LY6K: variants seen among roughly 807,000 people sequenced by gnomAD.
LY6K encodes the protein lymphocyte antigen 6 family member K.
LY6K carries 9 observed loss-of-function variants against 10.4 expected under a neutral mutation model. The ratio of observed to expected loss-of-function variants is 0.87; its 90% CI spans 0.52 to 1.52. The LOEUF (loss-of-function observed/expected upper bound fraction) is 1.52. Among genes scored for constraint, LY6K ranks in the 40% most tolerant of loss-of-function variants. LY6K has a pLI of 0.00. For synonymous variants in LY6K, 98 were observed against 83.7 expected (o/e 1.17, Z -0.94); for missense variants, 217 against 211.7 (o/e 1.02, Z -0.15).
intron 2 of LY6K, chr8:142,702,634 A>G: frequency 6.5e-7 from 1 of 1,532,598 alleles, no homozygotes; most frequent in Non-Finnish European, 8.7e-7. Flanking sequence ...ATAACTTAAT[A>G]TGGCAAAATG....
Position 142,703,307 on chromosome 8 carries a change from G to C in LY6K, c.434G>C (p.Gly145Ala). The stretch of plus-strand genomic sequence containing the variant: ...GCTGGGAGCATGGGTGAGAGCTGTG[G>C]TGGGCTGTGGCTGGCCATCCTCCTG... ...EYAGSMGESCGGLWLAILLLL... is the reference protein window; with the variant it reads ...EYAGSMGESCAGLWLAILLLL... The change falls in exon 3 of 3, where the codon GGT (glycine) becomes GCT (alanine). Residue 145 changes from glycine to alanine, a missense_variant. Physicochemically the swap from Gly to Ala is moderately conservative, Grantham distance 60 (BLOSUM62 0). Transcript: ENST00000292430. 6.2e-7 allele frequency: 1 copy of C among 1,613,604 alleles called. No individual in the cohort carries two copies. Among genetic ancestry groups the C allele is most frequent in the Non-Finnish European group, 8.5e-7 (1 of 1,179,968 alleles).
chr8:142,703,349 C>T lies in LY6K; in HGVS notation c.476C>T (p.Ala159Val), dbSNP rs782555332. ...LAILLLLASI[A>V]AGLSLS ...ATCCTCCTGCTGCTGGCCTCCATTG[C>T]AGCCGGCCTCAGCCTGTCTTGAGCC... The change falls in exon 3 of 3, where the codon GCA becomes GTA. Residue 159 changes from alanine (A) to valine (V), a missense_variant. Ala to Val is a moderately conservative substitution (Grantham distance 64). Coordinates refer to ENST00000292430, the MANE Select transcript of LY6K (RefSeq NM_017527.4). 1 of 1,610,910 alleles carries T rather than the reference C, an allele frequency of 6.2e-7. No individual in the cohort carries two copies. The highest frequency in any genetic ancestry group is 1.3e-5 in the African/African-American group (1 of 75,002).
At chr8:142,703,056 G>T (rs371930733) in intron 2 of LY6K, 35 bp from the exon 3 acceptor site, 2 of 1,610,714 alleles carry the variant, frequency 1.2e-6, no homozygotes, top group East Asian at 4.5e-5. Context: ...TTGGAATTGC[G>T]TGATTGCCTT....
intron 2 of LY6K, 137 bp from the exon 3 acceptor site, chr8:142,702,954 T>A: frequency 3.2e-6 from 5 of 1,552,334 alleles, no homozygotes; most frequent in Non-Finnish European, 4.4e-6. Flanking sequence ...TCCTCCCGAC[T>A]CCCCCTTGGT....
At position 142,703,174 on chromosome 8, in the gene LY6K, C is replaced by G. The variant is rs151035945; in HGVS notation, c.301C>G (p.Arg101Gly). The G allele has an allele frequency of 2.5e-6, 4 of 1,614,212 alleles. No individual in the cohort carries two copies. The South Asian group carries it at 4.4e-5, about 18-fold the overall frequency. Residue 101 changes from arginine to glycine, a missense_variant, in exon 3 of 3, where the codon CGG (arginine) becomes GGG (glycine). Arg to Gly is a moderately radical substitution (Grantham distance 125). Transcript: ENST00000292430. ...GGAGAGACCCAAGCCAGAGGAGAAGCGGTTTCTCCTGGAAGAGCCCATGCC... is the reference window on the plus strand; with the variant it reads ...GGAGAGACCCAAGCCAGAGGAGAAGGGGTTTCTCCTGGAAGAGCCCATGCC... ...AMERPKPEEK[R>G]FLLEEPMPFF...
Position 142,700,288 on chromosome 8 carries a change from C to T in LY6K, c.-240C>T. 1.2e-5 allele frequency: 15 copies of T among 1,228,896 alleles called. No individual in the cohort carries two copies. The highest frequency in any genetic ancestry group is 1.5e-5 in the Non-Finnish European group (15 of 979,200). The allele number at this position is 1,228,896 out of a possible 1,614,324, so 76.1% of individuals were successfully genotyped here. A position where few individuals can be genotyped will look rare whatever the true frequency, so the allele number is the denominator to read the frequency against. On this transcript the variant is annotated 5_prime_UTR_variant, in exon 1 of 3. Transcript: ENST00000292430. ...GTTCCTGCCTGGCCGCCGGCCGCTC[C>T]AACAGCAGCACAAGGCGGGACTCAG...
chr8:142,701,988 A>G (rs1294345601), intron 2 of LY6K: 7 of 342,446 alleles, frequency 2.0e-5, no homozygotes, highest in African/African-American at 6.4e-5. Context: ...TTTTATTTTT[A>G]GTAGAGGTGG....
rs1301213698 is a variant in LY6K, at chr8:142,704,232, G to A, written c.*861G>A. ...TCTCAGCATGAGCTCCATCAAGGTCGAGACGCTTCTGCAAGTAATGGTACC... is the reference window on the plus strand; with the variant it reads ...TCTCAGCATGAGCTCCATCAAGGTCAAGACGCTTCTGCAAGTAATGGTACC... On this transcript the variant is annotated 3_prime_UTR_variant, in exon 3 of 3. Transcript: ENST00000292430. The A allele has an allele frequency of 6.6e-6, 1 of 152,192 alleles. No individual in the cohort carries two copies. 9.4% of individuals were successfully genotyped at this position (152,192 alleles called of 1,614,324 possible). A position where few individuals can be genotyped will look rare whatever the true frequency, so the allele number is the denominator to read the frequency against.
chr8:142,703,821 C>T lies in LY6K; in HGVS notation c.*450C>T, dbSNP rs782321006. The stretch of plus-strand genomic sequence containing the variant: ...AAGACATCCCTGGAGTGAAGGACTC[C>T]TCAGCATGGGGGGCAGTGGGGCACA... On this transcript the variant is annotated 3_prime_UTR_variant, in exon 3 of 3. Coordinates refer to ENST00000292430, the MANE Select transcript of LY6K (RefSeq NM_017527.4). The T allele has an allele frequency of 2.4e-4, 40 of 164,804 alleles. No homozygotes were observed. The highest frequency in any genetic ancestry group is 4.5e-4 in the Non-Finnish European group (34 of 75,072). The allele number at this position is 164,804 out of a possible 1,614,324, so 10.2% of individuals were successfully genotyped here.
In LY6K at chr8:142,703,354, G is replaced by T. The variant is rs144411665; in HGVS notation, c.481G>T (p.Gly161Cys). The T allele has an allele frequency of 6.2e-7, 1 of 1,610,834 alleles. No homozygotes were observed. ...ILLLLASIAA[G>C]LSLS ...CCTGCTGCTGGCCTCCATTGCAGCC[G>T]GCCTCAGCCTGTCTTGAGCCACGGG... Residue 161 changes from glycine to cysteine, a missense_variant, in exon 3 of 3, where the codon GGC becomes TGC. Gly to Cys is a radical substitution (Grantham distance 159). Transcript: ENST00000292430.
rs138669857 is a variant in LY6K, at chr8:142,703,520, T to G, written c.*149T>G. On this transcript the variant is annotated 3_prime_UTR_variant, in exon 3 of 3. Transcript: ENST00000292430. ...TGGGAGAGTGGGGATCAGGTGCAGT[T>G]GGCTCTTAACCCTCAAGGGTTCTTT... is the stretch of plus-strand genomic sequence containing the variant. 1.1e-4 allele frequency: 101 copies of G among 925,722 alleles called. No homozygotes were observed. In the East Asian group the frequency reaches 2.6e-3, roughly 24 times the overall value. 57.3% of individuals were successfully genotyped at this position (925,722 alleles called of 1,614,324 possible). A position where few individuals can be genotyped will look rare whatever the true frequency, so the allele number is the denominator to read the frequency against.
rs34416856 is a variant in LY6K, at chr8:142,700,492, C to A, written c.-36C>A. On this transcript the variant is annotated 5_prime_UTR_variant, in exon 1 of 3. Coordinates refer to ENST00000292430, the MANE Select transcript of LY6K (RefSeq NM_017527.4). Reference sequence around the variant, plus strand: ...GTTCCAGAAGGGCGGGGAGGGGGCGCCGCGCGCTGACCCTCCCTGGGCACC... The same window carrying A: ...GTTCCAGAAGGGCGGGGAGGGGGCGACGCGCGCTGACCCTCCCTGGGCACC... 5,178 of 1,547,322 alleles carry A rather than the reference C, an allele frequency of 3.3e-3. 155 individuals carry two copies. In the African/African-American group the frequency reaches 0.064, roughly 19 times the overall value.
Position 142,703,397 on chromosome 8 carries a change from C to A in LY6K, c.*26C>A, listed in dbSNP as rs781948432. The A allele has an allele frequency of 1.3e-6, 2 of 1,591,488 alleles. No homozygotes were observed. Among genetic ancestry groups the A allele is most frequent in the South Asian group, 2.2e-5 (2 of 89,812 alleles). On this transcript the variant is annotated 3_prime_UTR_variant, in exon 3 of 3. Coordinates refer to ENST00000292430, the MANE Select transcript of LY6K (RefSeq NM_017527.4). Reference sequence around the variant, plus strand: ...GCCACGGGACTGCCACAGACTGAGCCTTCCGGAGCATGGACTCGCTCCAGA... The same window carrying A: ...GCCACGGGACTGCCACAGACTGAGCATTCCGGAGCATGGACTCGCTCCAGA...
chr8:142,703,175 G>C lies in LY6K; in HGVS notation c.302G>C (p.Arg101Pro). The change falls in exon 3 of 3, where the codon CGG becomes CCG. Residue 101 changes from arginine to proline, a missense_variant. Coordinates refer to ENST00000292430, the MANE Select transcript of LY6K (RefSeq NM_017527.4). ...AMERPKPEEKRFLLEEPMPFF... is the reference protein window; with the variant it reads ...AMERPKPEEKPFLLEEPMPFF... ...GAGAGACCCAAGCCAGAGGAGAAGC[G>C]GTTTCTCCTGGAAGAGCCCATGCCC... 1 of 1,614,184 alleles carries C rather than the reference G, an allele frequency of 6.2e-7. No individual in the cohort carries two copies.
chr8:142,701,796 A>G (rs967671948), intron 2 of LY6K, 83 bp downstream of exon 2: 5 of 840,988 alleles, frequency 5.9e-6, no homozygotes, highest in African/African-American at 5.1e-5. Context: ...GTTTTCCTCA[A>G]TGGGGAATAA....
chr8:142,702,317 T>C lies in LY6K; in HGVS notation c.217+604T>C, dbSNP rs1815071706. The C allele has an allele frequency of 6.7e-6, 4 of 597,066 alleles. No homozygotes were observed. The South Asian group carries it at 8.5e-5, about 13-fold the overall frequency. 37.0% of individuals were successfully genotyped at this position (597,066 alleles called of 1,614,324 possible). ...TGCGCCACAGAGAACAGTGTCTATG[T>C]CACTCTTACAAGAGATGCACAAAAC... On this transcript the variant is annotated intron_variant, in intron 2 of 2. Coordinates refer to ENST00000292430, the MANE Select transcript of LY6K (RefSeq NM_017527.4).
chr8:142,700,692 T>A, intron 1 of LY6K, 62 bp downstream of exon 1: 1 of 1,354,320 alleles, frequency 7.4e-7, no homozygotes, highest in Non-Finnish European at 9.6e-7. Flanking sequence ...GGCGTCTGCC[T>A]GGCACCGCGT....
chr8:142,702,538 C>T (rs1554640326), intron 2 of LY6K: 3 of 1,535,736 alleles, frequency 2.0e-6, no homozygotes, highest in South Asian at 2.4e-5. Context: ...TTCCGCCCAG[C>T]AGTCACTCTC....
intron 1 of LY6K, 135 bp from the exon 2 acceptor site, chr8:142,701,465 A>C: frequency 1.5e-6 from 1 of 654,774 alleles, no homozygotes; most frequent in Non-Finnish European, 2.8e-6. Context: ...CACTCGAGTC[A>C]TGTGGCCCCA....
Sources: gnomAD v4.1 joint callset for allele counts on GRCh38, gnomAD v4.1.1 for gene constraint, MANE v1.5 for transcripts, NCBI Gene and HGNC (gene_info 2026-07-23, HGNC 2026-07-21) for gene names.